The following NRG1 variants were observed in gnomAD, a reference collection of about 807,000 sequenced individuals.
The protein encoded by NRG1 is pro-neuregulin-1, membrane-bound isoform.
Under a neutral mutation model 63.8 loss-of-function variants are expected in NRG1, and 18 were observed. That is an observed-to-expected ratio of 0.28 (90% CI 0.19 to 0.42). The LOEUF is 0.42. Ranked by LOEUF, NRG1 falls within the 10% of genes least tolerant of loss-of-function variation. NRG1 has a pLI of 1.00. For synonymous variants in NRG1, 302 were observed against 301.3 expected, an observed-to-expected ratio of 1.00 and a Z score of -0.02; for missense variants, 762 against 814.7, an observed-to-expected ratio of 0.94 and a Z score of 0.79.
At position 31,640,755 on chromosome 8, in the gene NRG1, G is replaced by A. The variant is rs780434618; in HGVS notation, c.37+1324G>A. Reference sequence around the variant, plus strand: ...GTAAGTTCCTCGCCCTTGGGGGCGCGAACCCGCGGCGAGGAGGGCGCATCC... The same window carrying A: ...GTAAGTTCCTCGCCCTTGGGGGCGCAAACCCGCGGCGAGGAGGGCGCATCC... On this transcript the variant is annotated intron_variant, in intron 1 of 10. Coordinates refer to the NRG1 transcript ENST00000519301. The surrounding 1 kb of genome is among the most constrained non-coding windows in gnomAD (Gnocchi z 6.3). 6.7e-6 allele frequency: 10 copies of A among 1,485,616 alleles called. No homozygotes were observed. Among genetic ancestry groups the A allele is most frequent in the Non-Finnish European group, 9.0e-6 (10 of 1,116,186 alleles). 92.0% of individuals were successfully genotyped at this position (1,485,616 alleles called of 1,614,324 possible).
At chr8:32,521,309 T>A (rs535994272) in intron 1 of NRG1, among the ~76,000 whole-genome samples, 1 of 152,186 alleles carries the variant, frequency 6.6e-6, no homozygotes, top group South Asian at 2.1e-4. Context: ...AATAGTTGGT[T>A]TTGACAACAC....
At chr8:32,412,646 A>T (rs1433151447) in intron 1 of NRG1, among the ~76,000 whole-genome samples, 2 of 151,624 alleles carry the variant, frequency 1.3e-5, no homozygotes, top group Non-Finnish European at 2.9e-5. Context: ...TGCACACCTA[A>T]CCTGATGCAC....
In NRG1 at chr8:32,741,968, T is replaced by G. The variant is rs1487402111; in HGVS notation, c.633-707T>G. 3 of 1,549,272 alleles carry G rather than the reference T, an allele frequency of 1.9e-6. No homozygotes were observed. The South Asian group carries it at 3.3e-5, about 17-fold the overall frequency. On this transcript the variant is annotated intron_variant, in intron 6 of 11. Transcript: ENST00000356819. ...TTGCCAGTCTGAAAGCTCAGTGTCT[T>G]TAGCATTTTTTTTTTGCTTACCACA...
At chr8:32,587,276 C>G in intron 1 of NRG1, among the ~76,000 whole-genome samples, 1 of 152,044 alleles carries the variant, frequency 6.6e-6, no homozygotes. Flanking sequence ...CAAGAACCGT[C>G]TGACCACTCT....
intron 1 of NRG1, among the ~76,000 whole-genome samples, chr8:32,282,366 T>A (rs192325394): frequency 1.3e-5 from 2 of 152,354 alleles, no homozygotes; most frequent in Non-Finnish European, 2.9e-5. Context: ...ACTCCTCTAG[T>A]TGAATGGCTG....
chr8:32,755,966 T>A (rs970694494), intron 8 of NRG1, among the ~76,000 whole-genome samples: 1 of 152,124 alleles, frequency 6.6e-6, no homozygotes, highest in African/African-American at 2.4e-5. Context: ...AGTCTCAAAC[T>A]CTTGGACTCA....
chr8:32,548,026 T>C (rs1292627679), upstream of NRG1, among the ~76,000 whole-genome samples: 1 of 152,064 alleles, frequency 6.6e-6, no homozygotes. Context: ...TCCGGGGCGC[T>C]GGCCTCGGTC....
chr8:31,840,934 A>G (rs1480715028), intron 1 of NRG1, among the ~76,000 whole-genome samples: 1 of 152,130 alleles, frequency 6.6e-6, no homozygotes, highest in African/African-American at 2.4e-5. Flanking sequence ...GTTTGGGTTT[A>G]GTATGTATTC....
rs371276521 is a variant in NRG1, at chr8:32,664,301, GA to G, written c.502+47427del. ...AAGAAAAAATCCTTTAGTTTGAGGT[GA>G]AAAAAAAAAACCAAAAAGGAATAAG... On this transcript the variant is annotated intron_variant, in intron 5 of 11. Transcript: ENST00000356819. 2.0e-3 allele frequency among the ~76,000 whole-genome samples: 278 copies of G among 142,398 alleles called. 1 individual carries two copies. The highest frequency in any genetic ancestry group is 5.8e-3 in the African/African-American group (226 of 38,988). The allele number at this position is 142,398 out of a possible 152,430, so 93.4% of individuals were successfully genotyped here.
intron 1 of NRG1, among the ~76,000 whole-genome samples, chr8:31,810,296 A>T (rs1822760647): frequency 6.6e-6 from 1 of 152,136 alleles, no homozygotes; most frequent in African/African-American, 2.4e-5. Context: ...TTATGTATTC[A>T]GCGGCCTCAG....
At chr8:31,899,138 C>G (rs968248196) in intron 1 of NRG1, among the ~76,000 whole-genome samples, 11 of 151,020 alleles carry the variant, frequency 7.3e-5, no homozygotes, top group African/African-American at 2.4e-4. Context: ...GGGTCTTGCT[C>G]TGTCTCCCAG....
At chr8:32,730,668 G>A (rs1367383334) in intron 6 of NRG1, among the ~76,000 whole-genome samples, 2 of 152,126 alleles carry the variant, frequency 1.3e-5, no homozygotes, top group Non-Finnish European at 2.9e-5. Flanking sequence ...TGTGAATACA[G>A]CACAAATATG....
intron 1 of NRG1, among the ~76,000 whole-genome samples, chr8:32,138,964 AAATC>A (rs1262998162): frequency 3.3e-5 from 5 of 152,164 alleles, no homozygotes; most frequent in African/African-American, 1.2e-4. Flanking sequence ...TTCAAAAGAG[AAATC>A]AATCAGTCAA....
chr8:31,649,946 C>T (rs57855444), intron 1 of NRG1, among the ~76,000 whole-genome samples: 2,817 of 152,188 alleles, frequency 0.019, 98 homozygotes, highest in African/African-American at 0.063. Context: ...CTAATCAGTA[C>T]GCACCAGAGG....
rs114802153 is a variant in NRG1 at position 31,689,075 on chromosome 8, T to G, written c.37+49644T>G. ...CTTCAAATCTCTATCTAACTCTCTC[T>G]TCCGCCTCCATCTTCCACTTCAAGA... On this transcript the variant is annotated intron_variant, in intron 1 of 10. Coordinates refer to the NRG1 transcript ENST00000519301. Among the ~76,000 whole-genome samples, 889 of 152,320 alleles carry G rather than the reference T, an allele frequency of 5.8e-3. 11 individuals carry two copies. Among genetic ancestry groups the G allele is most frequent in the African/African-American group, 0.021 (858 of 41,566 alleles).
At chr8:32,528,194 C>A (rs1831077979) in intron 1 of NRG1, among the ~76,000 whole-genome samples, 1 of 152,196 alleles carries the variant, frequency 6.6e-6, no homozygotes, top group Admixed American at 6.5e-5. Flanking sequence ...TATTCACTAT[C>A]TTCTTTTGCT....
intron 1 of NRG1, among the ~76,000 whole-genome samples, chr8:32,348,255 GTTTTGTTTTGT>G (rs1805159927): frequency 6.6e-6 from 1 of 151,698 alleles, no homozygotes; most frequent in South Asian, 2.1e-4. Flanking sequence ...TTTTTGTTTT[GTTTTGTTTTGT>G]TTTTGTTTTA....
chr8:32,479,944 A>G (rs1825043038), intron 1 of NRG1, among the ~76,000 whole-genome samples: 4 of 152,132 alleles, frequency 2.6e-5, no homozygotes, highest in Admixed American at 2.0e-4. Context: ...CACCACGCCC[A>G]GCCCATTCTT....
intron 1 of NRG1, among the ~76,000 whole-genome samples, chr8:32,247,431 G>C (rs1848692329): frequency 6.6e-6 from 1 of 152,046 alleles, no homozygotes; most frequent in Admixed American, 6.6e-5. Flanking sequence ...TTTGTAAATA[G>C]TAACATATCA....
Sources: allele counts gnomAD v4.1 joint callset (sites outside exome capture counted in the v4.1 genomes callset), GRCh38; gene constraint gnomAD v4.1.1; non-coding constraint Gnocchi (gnomAD v3.1); transcripts MANE v1.5; gene names NCBI Gene and HGNC (gene_info 2026-07-23, HGNC 2026-07-21).